The following CNTNAP2 variants were observed in gnomAD, a reference collection of about 807,000 sequenced individuals.
CNTNAP2 encodes contactin-associated protein-like 2.
Under a neutral mutation model 155.2 loss-of-function variants are expected in CNTNAP2, and 98 were observed. That is an observed-to-expected ratio of 0.63 (90% CI 0.54 to 0.75). The LOEUF is 0.75. CNTNAP2 is among the 30% of genes least tolerant of loss of function. The pLI is 0.00. For synonymous variants in CNTNAP2, 651 were observed against 631.2 expected, an observed-to-expected ratio of 1.03 and a Z score of -0.47; for missense variants, 1,727 against 1,688.1, an observed-to-expected ratio of 1.02 and a Z score of -0.40.
In CNTNAP2 at chr7:148,416,299, T is replaced by G. The variant is rs927961143; in HGVS notation, c.*683T>G. 1.3e-5 allele frequency: 2 copies of G among 152,346 alleles called. No homozygotes were observed. Among genetic ancestry groups the G allele is most frequent in the Non-Finnish European group, 2.9e-5 (2 of 68,182 alleles). 9.4% of individuals were successfully genotyped at this position (152,346 alleles called of 1,614,324 possible). On this transcript the variant is annotated 3_prime_UTR_variant, in exon 24 of 24. Transcript: ENST00000361727. ...AATCAGCACAACTGGAGAGAGGCAT[T>G]AAAGAACCAGGGAAGGTAGTTTGAT...
At chr7:147,149,953 A>C (rs1801793449) in intron 8 of CNTNAP2, among the ~76,000 whole-genome samples, 1 of 152,252 alleles carries the variant, frequency 6.6e-6, no homozygotes, top group Non-Finnish European at 1.5e-5. Context: ...AAAGAAAGGT[A>C]GGAATCAAGA....
chr7:147,424,643 ATC>A (rs1797349878), intron 10 of CNTNAP2, among the ~76,000 whole-genome samples: 1 of 152,146 alleles, frequency 6.6e-6, no homozygotes, highest in South Asian at 2.1e-4. Flanking sequence ...ATGTTGACTT[ATC>A]TCTCTAGCTA....
intron 16 of CNTNAP2, among the ~76,000 whole-genome samples, chr7:148,142,789 A>G (rs1447183797): frequency 6.6e-6 from 1 of 152,236 alleles, no homozygotes; most frequent in Non-Finnish European, 1.5e-5. Context: ...TTTATCGCTC[A>G]ATATACTAAG....
intron 1 of CNTNAP2, among the ~76,000 whole-genome samples, chr7:146,406,192 A>G (rs1795789157): frequency 6.6e-6 from 1 of 152,210 alleles, no homozygotes; most frequent in South Asian, 2.1e-4. Context: ...TCATCTCTAT[A>G]GCCTATATTT....
chr7:147,120,587 T>G, intron 5 of CNTNAP2, among the ~76,000 whole-genome samples: 1 of 152,106 alleles, frequency 6.6e-6, no homozygotes, highest in East Asian at 1.9e-4. Flanking sequence ...AAGTATTTTT[T>G]TACTATTACA....
At chr7:146,218,155 C>T (rs1483671702) in intron 1 of CNTNAP2, among the ~76,000 whole-genome samples, 1 of 152,148 alleles carries the variant, frequency 6.6e-6, no homozygotes, top group African/African-American at 2.4e-5. Flanking sequence ...CGTGAGAGTT[C>T]AAACGTTGTG....
At chr7:147,080,084 G>T (rs1186748425) in intron 4 of CNTNAP2, among the ~76,000 whole-genome samples, 1 of 147,724 alleles carries the variant, frequency 6.8e-6, no homozygotes, top group Admixed American at 6.9e-5. Context: ...AACTCAGCTA[G>T]CCAGCAAATA....
intron 1 of CNTNAP2, among the ~76,000 whole-genome samples, chr7:146,441,114 G>A (rs879541949): frequency 6.6e-6 from 1 of 151,442 alleles, no homozygotes; most frequent in Non-Finnish European, 1.5e-5. Flanking sequence ...GTGATCAGAG[G>A]ATACATTCAA....
chr7:146,163,581 C>CTA (rs1491503784), intron 1 of CNTNAP2, among the ~76,000 whole-genome samples: 10 of 84,924 alleles, frequency 1.2e-4, no homozygotes, highest in African/African-American at 3.0e-4. Context: ...ATCTATCTAT[C>CTA]TATCTATATA....
At chr7:146,653,812 A>C (rs1020989765) in intron 1 of CNTNAP2, among the ~76,000 whole-genome samples, 1 of 152,146 alleles carries the variant, frequency 6.6e-6, no homozygotes, top group African/African-American at 2.4e-5. Flanking sequence ...CTGAAAGGAA[A>C]TCTCTCATTA....
intron 8 of CNTNAP2, among the ~76,000 whole-genome samples, chr7:147,201,360 T>C (rs1802917579): frequency 6.6e-6 from 1 of 152,226 alleles, no homozygotes; most frequent in African/African-American, 2.4e-5. Context: ...CCAGTCTGTT[T>C]CTGGTATTTT....
intron 1 of CNTNAP2, among the ~76,000 whole-genome samples, chr7:146,457,498 AT>A: frequency 2.0e-4 from 1 of 5,054 alleles, no homozygotes; most frequent in African/African-American, 5.6e-4. Context: ...ATATATATAT[AT>A]ATATATATAT....
At chr7:146,467,804 T>C (rs1298481182) in intron 1 of CNTNAP2, among the ~76,000 whole-genome samples, 3 of 152,170 alleles carry the variant, frequency 2.0e-5, no homozygotes, top group African/African-American at 7.2e-5. Flanking sequence ...GATAAAATTA[T>C]TGATTACTTA....
At chr7:147,128,864 G>T in intron 7 of CNTNAP2, 28 bp downstream of exon 7, 2 of 1,613,530 alleles carry the variant, frequency 1.2e-6, no homozygotes, top group South Asian at 1.1e-5. Flanking sequence ...CAAAATATTG[G>T]TCTATAAAAT....
chr7:146,669,767 T>C (rs189617354), intron 1 of CNTNAP2, among the ~76,000 whole-genome samples: 2 of 152,110 alleles, frequency 1.3e-5, no homozygotes, highest in Admixed American at 6.5e-5. Context: ...TTAAGGAAAT[T>C]TGATGCACTG....
chr7:146,947,574 T>TAC (rs59680318), intron 3 of CNTNAP2, among the ~76,000 whole-genome samples: 1 of 28,954 alleles, frequency 3.5e-5, no homozygotes, highest in African/African-American at 6.6e-5. Flanking sequence ...TATATATATA[T>TAC]ACATATATAT....
At chr7:146,924,688 CCTAA>C (rs1351367321) in intron 3 of CNTNAP2, among the ~76,000 whole-genome samples, 4 of 151,930 alleles carry the variant, frequency 2.6e-5, no homozygotes, top group African/African-American at 4.8e-5. Context: ...GATGATCTTA[CCTAA>C]CTATTTGACC....
chr7:146,929,660 C>A (rs13234038), intron 3 of CNTNAP2, among the ~76,000 whole-genome samples: 52,999 of 151,890 alleles, frequency 0.35, 9,920 homozygotes, highest in Middle Eastern at 0.41. Flanking sequence ...GAGGAAATTC[C>A]AACCAAAGGC....
rs181460818 is a variant in CNTNAP2, at chr7:147,097,245, T to C, written c.551-10902T>C. Among the ~76,000 whole-genome samples the C allele has an allele frequency of 1.0e-3, 156 of 152,336 alleles. 1 individual carries two copies. The highest frequency in any genetic ancestry group is 3.6e-3 in the African/African-American group (149 of 41,588). On this transcript the variant is annotated intron_variant, in intron 4 of 23. Coordinates refer to ENST00000361727, the MANE Select transcript of CNTNAP2 (RefSeq NM_014141.6). ...CTGACAAATTTGTAGGGGTTGTTGATGGATGTATAGCGTTCAGAACATTAA... is the reference window on the plus strand; with the variant it reads ...CTGACAAATTTGTAGGGGTTGTTGACGGATGTATAGCGTTCAGAACATTAA...
Sources: allele counts gnomAD v4.1 joint callset (sites outside exome capture counted in the v4.1 genomes callset), GRCh38; gene constraint gnomAD v4.1.1; transcripts MANE v1.5; gene names NCBI Gene and HGNC (gene_info 2026-07-23, HGNC 2026-07-21).